ZFHX3: variants seen among roughly 807,000 people sequenced by gnomAD.
The protein encoded by ZFHX3 is zinc finger homeobox 3.
In ZFHX3, 42 loss-of-function variants were observed where a neutral mutation model predicts 279.1. That is an observed-to-expected ratio of 0.15 (90% CI 0.12 to 0.19). ZFHX3 has a LOEUF of 0.19. ZFHX3 is among the 10% of genes least tolerant of loss of function. The pLI is 1.00. For synonymous variants in ZFHX3, 2,293 were observed against 1,957.8 expected (o/e 1.17, Z -4.52); for missense variants, 4,981 against 4,754.0 (o/e 1.05, Z -1.40).
rs575997194 is a variant in ZFHX3 at position 73,086,302 on chromosome 16, G to T, written c.-533+6933C>A. Among the ~76,000 whole-genome samples, 3 of 152,312 alleles carry T rather than the reference G, an allele frequency of 2.0e-5. 1 individual carries two copies. In the South Asian group the frequency reaches 6.2e-4, roughly 32 times the overall value. On this transcript the variant is annotated intron_variant, in intron 8 of 17. Coordinates refer to the ZFHX3 transcript ENST00000641206. ...GTACAGCCTCTATGGAAAAGTGGAG[G>T]TTCCTCAAAAGTCTAAAAATAGAAC...
At chr16:73,650,642 G>A (rs2052661814) in intron 2 of ZFHX3, among the ~76,000 whole-genome samples, 2 of 151,970 alleles carry the variant, frequency 1.3e-5, no homozygotes, top group Admixed American at 6.6e-5. Context: ...TTTGCCCTTC[G>A]ACATTTTTTA....
intron 8 of ZFHX3, chr16:73,081,255 C>CT (rs11306608): frequency 0.025 from 3,462 of 139,752 alleles, 124 homozygotes; most frequent in African/African-American, 0.081. Flanking sequence ...TTCTTTCTTT[C>CT]TTTTTTTTTT....
intron 1 of ZFHX3, among the ~76,000 whole-genome samples, chr16:73,887,792 A>G (rs1333306121): frequency 6.6e-6 from 1 of 152,246 alleles, no homozygotes; most frequent in Non-Finnish European, 1.5e-5. Flanking sequence ...GCCCAAAATC[A>G]CTTAGAAATT....
intron 1 of ZFHX3, among the ~76,000 whole-genome samples, chr16:73,786,791 A>G (rs191693893): frequency 1.3e-5 from 2 of 152,202 alleles, no homozygotes; most frequent in African/African-American, 4.8e-5. Context: ...AGGGTGAGAG[A>G]GTCCAGAGGA....
At chr16:73,498,764 G>A (rs755280746) in intron 2 of ZFHX3, among the ~76,000 whole-genome samples, 1 of 152,134 alleles carries the variant, frequency 6.6e-6, no homozygotes, top group East Asian at 1.9e-4. Context: ...GGGAGCTCTC[G>A]AGCTGGAATG....
chr16:73,514,726 C>T (rs2019490641), intron 2 of ZFHX3, among the ~76,000 whole-genome samples: 2 of 152,166 alleles, frequency 1.3e-5, no homozygotes, highest in South Asian at 4.1e-4. Flanking sequence ...AGACTACCTC[C>T]TGCTAAAGCA....
chr16:73,849,944 G>T (rs934259388), intron 1 of ZFHX3, among the ~76,000 whole-genome samples: 26 of 152,254 alleles, frequency 1.7e-4, no homozygotes, highest in Middle Eastern at 6.8e-3. Context: ...TGTTGGTCAG[G>T]CTCGTCTCAA....
In ZFHX3 at chr16:73,104,846, T is replaced by C. The variant is rs141157604; in HGVS notation, c.-896-11248A>G. 2.1e-3 allele frequency among the ~76,000 whole-genome samples: 315 copies of C among 152,290 alleles called. 2 individuals carry two copies. Among genetic ancestry groups the C allele is most frequent in the South Asian group, 0.013 (62 of 4,822 alleles). ...CACCATTCTGTCCCCCATGTGCTCC[T>C]ATAGCATTTTATGTTCGCTTCCATC... On this transcript the variant is annotated intron_variant, in intron 7 of 17. Transcript: ENST00000641206.
chr16:73,280,705 A>G (rs2014434098), intron 4 of ZFHX3, among the ~76,000 whole-genome samples: 1 of 152,052 alleles, frequency 6.6e-6, no homozygotes, highest in African/African-American at 2.4e-5. Flanking sequence ...GTGGCCAGGC[A>G]TGGTGGCTCA....
intron 1 of ZFHX3, among the ~76,000 whole-genome samples, chr16:73,754,805 A>G (rs540688469): frequency 1.3e-5 from 2 of 152,250 alleles, no homozygotes; most frequent in East Asian, 3.9e-4. Flanking sequence ...AAAATGACAC[A>G]ATATATATAA....
chr16:73,017,850 T>C (rs996226254), intron 1 of ZFHX3, among the ~76,000 whole-genome samples: 2 of 152,230 alleles, frequency 1.3e-5, no homozygotes, highest in African/African-American at 4.8e-5. Flanking sequence ...CCATGCCTAC[T>C]GTCTGACCCA....
chr16:73,163,532 C>T (rs1967289692), intron 5 of ZFHX3, among the ~76,000 whole-genome samples: 1 of 152,202 alleles, frequency 6.6e-6, no homozygotes, highest in Non-Finnish European at 1.5e-5. Context: ...GCAACAGAGA[C>T]AGTATGGCCT....
intron 2 of ZFHX3, among the ~76,000 whole-genome samples, chr16:73,550,712 C>A (rs1383325890): frequency 1.3e-5 from 2 of 152,286 alleles, no homozygotes; most frequent in Admixed American, 6.5e-5. Flanking sequence ...ATTTTGAAAT[C>A]CATTTGTTAT....
At chr16:73,652,371 G>C (rs1017241150) in intron 2 of ZFHX3, among the ~76,000 whole-genome samples, 1 of 152,076 alleles carries the variant, frequency 6.6e-6, no homozygotes, top group Non-Finnish European at 1.5e-5. Flanking sequence ...AAAAAATGAA[G>C]TTAGAGTCCT....
intron 2 of ZFHX3, among the ~76,000 whole-genome samples, chr16:73,669,681 G>A (rs1014491640): frequency 1.3e-5 from 2 of 152,208 alleles, no homozygotes; most frequent in Non-Finnish European, 2.9e-5. Flanking sequence ...GGCTTTGCCT[G>A]CTTTTTCTTT....
At chr16:73,705,437 T>C (rs945172559) in intron 1 of ZFHX3, among the ~76,000 whole-genome samples, 7 of 152,178 alleles carry the variant, frequency 4.6e-5, no homozygotes, top group Non-Finnish European at 1.5e-5. Flanking sequence ...CCATTGGACC[T>C]TGGGCCAGTA....
intron 5 of ZFHX3, among the ~76,000 whole-genome samples, chr16:73,149,948 A>G (rs1220681152): frequency 6.6e-6 from 1 of 152,162 alleles, no homozygotes; most frequent in African/African-American, 2.4e-5. Context: ...CTGCGCAGTC[A>G]AAGGACACAT....
rs957179783 is a variant in ZFHX3 at position 72,853,952 on chromosome 16, GA to G, written c.3449-24094del. On this transcript the variant is annotated intron_variant, in intron 4 of 9. Transcript: ENST00000268489. ...GCTGTTTATTAGCATCCTTGAGAAGGAAAAAAAAAAAAGAAAAGAAAAGAAA... is the reference window on the plus strand; with the variant it reads ...GCTGTTTATTAGCATCCTTGAGAAGGAAAAAAAAAAAGAAAAGAAAAGAAA... Among the ~76,000 whole-genome samples the G allele has an allele frequency of 6.4e-4, 87 of 136,132 alleles. 1 individual carries two copies. The highest frequency in any genetic ancestry group is 7.0e-4 in the Non-Finnish European group (44 of 62,482). 89.3% of individuals were successfully genotyped at this position (136,132 alleles called of 152,430 possible). A position where few individuals can be genotyped will look rare whatever the true frequency, so the allele number is the denominator to read the frequency against.
At position 72,836,783 on chromosome 16, in the gene ZFHX3, G is replaced by C. The variant is rs534843800; in HGVS notation, c.3449-6924C>G. Among the ~76,000 whole-genome samples the C allele has an allele frequency of 5.3e-5, 8 of 152,266 alleles. No individual in the cohort carries two copies. The South Asian group carries it at 1.7e-3, about 32-fold the overall frequency. ...GATCCAAACCAGCACTGATGAGTGG[G>C]ACATATTGAGCTAACTAACCCTATG... is the stretch of plus-strand genomic sequence containing the variant. On this transcript the variant is annotated intron_variant, in intron 4 of 9. Transcript: ENST00000268489.
Sources: gnomAD v4.1 joint callset for allele counts (sites outside exome capture counted in the v4.1 genomes callset) on GRCh38, gnomAD v4.1.1 for gene constraint, MANE v1.5 for transcripts, NCBI Gene and HGNC (gene_info 2026-07-23, HGNC 2026-07-21) for gene names.